SYT16: variants seen among roughly 807,000 people sequenced by gnomAD.
SYT16 encodes synaptotagmin 16, also known as synaptotagmin-16.
In SYT16, 42 loss-of-function variants were observed where a neutral mutation model predicts 61.4. The observed-to-expected ratio is 0.68, with a 90% CI of 0.53 to 0.89. The LOEUF (loss-of-function observed/expected upper bound fraction) is 0.89. Ranked by LOEUF, SYT16 falls within the 40% of genes least tolerant of loss-of-function variation. The pLI is 0.00. For synonymous variants in SYT16, 314 were observed against 302.3 expected (o/e 1.04, Z -0.40); for missense variants, 804 against 807.3 (o/e 1.00, Z 0.05).
At chr14:62,064,267 A>G (rs2055956785) in intron 3 of SYT16, among the ~76,000 whole-genome samples, 1 of 147,880 alleles carries the variant, frequency 6.8e-6, no homozygotes, top group Admixed American at 6.7e-5. Context: ...TTTAGTTGGT[A>G]GCATAGATAC....
At chr14:61,952,165 T>C (rs1594996467) in intron 1 of SYT16, among the ~76,000 whole-genome samples, 1 of 151,990 alleles carries the variant, frequency 6.6e-6, no homozygotes, top group African/African-American at 2.4e-5. Context: ...ACATAAATTG[T>C]ACAAGGCTCA....
rs1163020773 is a variant in SYT16, at chr14:62,076,896, G to A, written c.993+1505G>A. On this transcript the variant is annotated intron_variant, in intron 5 of 7. Coordinates refer to ENST00000683842, the MANE Select transcript of SYT16 (RefSeq NM_001367656.1). ...TTACCTGCCTGCTGGAGCTTTAATA[G>A]AAGACTCGGTATTGAGGGTACTAAA... Among the ~76,000 whole-genome samples, 3 of 152,154 alleles carry A rather than the reference G, an allele frequency of 2.0e-5. No homozygotes were observed. The East Asian group carries it at 5.8e-4, about 29-fold the overall frequency.
intron 3 of SYT16, among the ~76,000 whole-genome samples, chr14:62,058,901 T>C (rs908000969): frequency 3.3e-5 from 5 of 152,192 alleles, no homozygotes; most frequent in Non-Finnish European, 5.9e-5. Flanking sequence ...TAGAAAAGAA[T>C]GAGATCATGT....
At chr14:61,872,162 T>G (rs1481846541) in intron 1 of SYT16, among the ~76,000 whole-genome samples, 3 of 152,206 alleles carry the variant, frequency 2.0e-5, no homozygotes, top group African/African-American at 4.8e-5. Context: ...ATAGCATTGA[T>G]TGATGCATAA....
intron 3 of SYT16, among the ~76,000 whole-genome samples, chr14:62,034,415 A>G (rs1201966737): frequency 6.6e-6 from 1 of 152,210 alleles, no homozygotes; most frequent in Non-Finnish European, 1.5e-5. Flanking sequence ...TATTCATAGT[A>G]CCATCAGTCA....
intron 7 of SYT16, among the ~76,000 whole-genome samples, chr14:62,087,491 A>G (rs1294360926): frequency 6.6e-6 from 1 of 152,228 alleles, no homozygotes; most frequent in African/African-American, 2.4e-5. Flanking sequence ...CGGGGCGGTC[A>G]TGATCACATA....
intron 3 of SYT16, among the ~76,000 whole-genome samples, chr14:62,059,689 T>C (rs2055733250): frequency 6.8e-6 from 1 of 147,592 alleles, no homozygotes. Context: ...AATTTATATA[T>C]ATGTATATAT....
intron 3 of SYT16, among the ~76,000 whole-genome samples, chr14:62,022,467 C>G (rs1273893575): frequency 6.6e-6 from 1 of 152,052 alleles, no homozygotes; most frequent in Non-Finnish European, 1.5e-5. Flanking sequence ...TTTTCTTAAG[C>G]AGTTTTACCA....
chr14:62,110,130 G>A lies in SYT16; in HGVS notation c.*9423G>A, dbSNP rs151051917. 2.6e-5 allele frequency: 4 copies of A among 152,174 alleles called. No homozygotes were observed. In the East Asian group the frequency reaches 7.7e-4, roughly 29 times the overall value. 9.4% of individuals were successfully genotyped at this position (152,174 alleles called of 1,614,324 possible). The stretch of plus-strand genomic sequence containing the variant: ...GTAGCTACAGCAACTTGCAGAACCT[G>A]GCATTATTGCAGAGATGAAGGTATA... On this transcript the variant is annotated 3_prime_UTR_variant, in exon 8 of 8. Coordinates refer to ENST00000683842, the MANE Select transcript of SYT16 (RefSeq NM_001367656.1).
At chr14:62,067,928 G>A (rs1273434742) in intron 3 of SYT16, among the ~76,000 whole-genome samples, 6 of 152,218 alleles carry the variant, frequency 3.9e-5, no homozygotes, top group Non-Finnish European at 7.3e-5. Flanking sequence ...AGAGGTTGCA[G>A]TGAGCTGAGA....
intron 1 of SYT16, among the ~76,000 whole-genome samples, chr14:61,947,312 T>TGTGTGTGTGTGTGTG (rs1447890216): frequency 3.8e-4 from 25 of 65,112 alleles, no homozygotes; most frequent in East Asian, 9.5e-4. Context: ...GTGTGTGTGT[T>TGTGTGTGTGTGTGTG]TGTGTAAAAT....
intron 1 of SYT16, among the ~76,000 whole-genome samples, chr14:61,909,496 T>C (rs934720225): frequency 6.6e-6 from 1 of 152,182 alleles, no homozygotes; most frequent in Non-Finnish European, 1.5e-5. Flanking sequence ...TCTCCCTCCA[T>C]CTTCACATGG....
intron 2 of SYT16, among the ~76,000 whole-genome samples, chr14:61,994,946 T>C (rs1433799018): frequency 6.6e-6 from 1 of 152,184 alleles, no homozygotes; most frequent in Non-Finnish European, 1.5e-5. Context: ...GTTATTGCTA[T>C]ACAAGATATT....
chr14:61,902,264 G>A (rs576501765), intron 1 of SYT16, among the ~76,000 whole-genome samples: 6 of 152,194 alleles, frequency 3.9e-5, no homozygotes, highest in South Asian at 4.1e-4. Flanking sequence ...AATTACTTGC[G>A]ATTCTCTCAA....
chr14:61,897,803 C>T (rs2048375629), intron 1 of SYT16, among the ~76,000 whole-genome samples: 1 of 152,092 alleles, frequency 6.6e-6, no homozygotes, highest in South Asian at 2.1e-4. Context: ...ACACTTGGCT[C>T]AGGGACTGGG....
chr14:61,822,669 A>G (rs2045652953), intron 1 of SYT16, among the ~76,000 whole-genome samples: 1 of 152,230 alleles, frequency 6.6e-6, no homozygotes. Flanking sequence ...TCTGAATAAG[A>G]GGCTGCTGTG....
intron 3 of SYT16, among the ~76,000 whole-genome samples, chr14:62,024,707 A>G (rs1049506804): frequency 6.6e-6 from 1 of 152,088 alleles, no homozygotes; most frequent in African/African-American, 2.4e-5. Flanking sequence ...TTTGACAAGT[A>G]TATAATAATA....
chr14:61,853,335 T>C (rs1186797717), intron 1 of SYT16, among the ~76,000 whole-genome samples: 1 of 152,240 alleles, frequency 6.6e-6, no homozygotes, highest in East Asian at 1.9e-4. Context: ...TCACTATTGC[T>C]ATATTCAGGG....
chr14:61,989,812 T>C (rs2052472777), intron 2 of SYT16, among the ~76,000 whole-genome samples: 1 of 152,196 alleles, frequency 6.6e-6, no homozygotes, highest in Non-Finnish European at 1.5e-5. Context: ...CATTTTTCTG[T>C]GTCTAATGAT....
Sources: gnomAD v4.1 joint callset for allele counts (sites outside exome capture counted in the v4.1 genomes callset) on GRCh38, gnomAD v4.1.1 for gene constraint, MANE v1.5 for transcripts, NCBI Gene and HGNC (gene_info 2026-07-23, HGNC 2026-07-21) for gene names.